Variants in PPP2CA observed in about 807,000 individuals in gnomAD.
The protein encoded by PPP2CA is serine/threonine-protein phosphatase 2A catalytic subunit alpha isoform.
PPP2CA carries 5 observed loss-of-function variants against 38.8 expected under a neutral mutation model. That is an observed-to-expected ratio of 0.13 (90% CI 0.07 to 0.27). The LOEUF (loss-of-function observed/expected upper bound fraction) is 0.27, where lower values mean the gene tolerates loss of function less well. Among genes scored for constraint, PPP2CA ranks in the 10% least tolerant of loss-of-function variants. The pLI, the probability that PPP2CA is intolerant of heterozygous loss-of-function variation, is 1.00. For synonymous variants in PPP2CA, 152 were observed against 134.0 expected (o/e 1.13, Z -0.93); for missense variants, 88 against 389.7 (o/e 0.23, Z 6.52).
chr5:134,212,882 T>G lies in PPP2CA; in HGVS notation c.103-6751A>C, dbSNP rs546973799. On this transcript the variant is annotated intron_variant, in intron 1 of 6. Coordinates refer to ENST00000481195, the MANE Select transcript of PPP2CA (RefSeq NM_002715.4). ...CAAAGCCTAATTCAGAGGTAGGTCC[T>G]AATTCTTCAATTCTATAAAGGCTAA... Among the ~76,000 whole-genome samples, 21 of 152,340 alleles carry G rather than the reference T, an allele frequency of 1.4e-4. No individual in the cohort carries two copies. The South Asian group carries it at 4.1e-3, about 30-fold the overall frequency.
chr5:134,209,955 G>A (rs972940181), intron 1 of PPP2CA, among the ~76,000 whole-genome samples: 5 of 151,918 alleles, frequency 3.3e-5, no homozygotes, highest in Non-Finnish European at 7.4e-5. Context: ...GCACACACCT[G>A]CAGTTTTAGG....
chr5:134,201,120 A>C (rs1761959865), intron 3 of PPP2CA, 46 bp from the exon 4 acceptor site: 3 of 1,466,556 alleles, frequency 2.0e-6, no homozygotes, highest in Non-Finnish European at 1.9e-6. Context: ...AAAAATTTGT[A>C]AACATTCTTG....
At chr5:134,225,095 G>T (rs559543628) in intron 1 of PPP2CA, among the ~76,000 whole-genome samples, 8 of 152,180 alleles carry the variant, frequency 5.3e-5, no homozygotes, top group Middle Eastern at 3.4e-3. Flanking sequence ...CCAAATTCCC[G>T]ATTTCTTCCA....
intron 1 of PPP2CA, among the ~76,000 whole-genome samples, chr5:134,221,521 C>A (rs1028315109): frequency 2.6e-5 from 4 of 152,100 alleles, no homozygotes; most frequent in African/African-American, 9.7e-5. Flanking sequence ...ACTAAGAATA[C>A]AAGGGAAATT....
chr5:134,219,271 T>C, intron 1 of PPP2CA, among the ~76,000 whole-genome samples: 1 of 152,248 alleles, frequency 6.6e-6, no homozygotes, highest in East Asian at 1.9e-4. Context: ...TAGTGCTTTT[T>C]AGACAAAGCT....
chr5:134,218,164 G>A (rs1279464207), intron 1 of PPP2CA, among the ~76,000 whole-genome samples: 2 of 151,644 alleles, frequency 1.3e-5, no homozygotes, highest in Non-Finnish European at 3.0e-5. Flanking sequence ...AATATTTCAC[G>A]AAACATTTCA....
intron 5 of PPP2CA, 88 bp downstream of exon 5, chr5:134,200,247 A>T (rs771557338): frequency 1.9e-5 from 26 of 1,398,274 alleles, no homozygotes; most frequent in Non-Finnish European, 2.3e-5. Context: ...GGAATTTCTC[A>T]CAAATGTCAT....
At chr5:134,203,081 T>C (rs1762002723) in intron 2 of PPP2CA, among the ~76,000 whole-genome samples, 3 of 152,212 alleles carry the variant, frequency 2.0e-5, no homozygotes, top group Admixed American at 6.5e-5. Context: ...GTCTTGTTAT[T>C]GAGCTGTAAA....
At chr5:134,199,009 C>T (rs1362331630) in intron 6 of PPP2CA, 77 bp downstream of exon 6, 1 of 1,156,376 alleles carries the variant, frequency 8.6e-7, no homozygotes, top group South Asian at 1.3e-5. Flanking sequence ...TATAGTGACA[C>T]CCTCTCTCTC....
At chr5:134,210,083 C>T (rs936053404) in intron 1 of PPP2CA, among the ~76,000 whole-genome samples, 3 of 149,054 alleles carry the variant, frequency 2.0e-5, no homozygotes, top group South Asian at 4.3e-4. Context: ...CATACCACTG[C>T]ACTCCAGCCT....
At chr5:134,206,756 T>A (rs1198216278) in intron 1 of PPP2CA, among the ~76,000 whole-genome samples, 3 of 152,342 alleles carry the variant, frequency 2.0e-5, no homozygotes. Flanking sequence ...ACCTCAGCCC[T>A]GTTTGACTTT....
intron 2 of PPP2CA, among the ~76,000 whole-genome samples, chr5:134,202,888 A>G (rs565412803): frequency 6.6e-6 from 1 of 152,334 alleles, no homozygotes; most frequent in South Asian, 2.1e-4. Flanking sequence ...AACACTTGGT[A>G]TTATCAACCT....
chr5:134,222,658 G>C (rs1762470986), intron 1 of PPP2CA, among the ~76,000 whole-genome samples: 1 of 152,152 alleles, frequency 6.6e-6, no homozygotes, highest in Non-Finnish European at 1.5e-5. Context: ...ATTGTTTACT[G>C]TAGTCAATGC....
Position 134,214,892 on chromosome 5 carries a change from T to G in PPP2CA, c.103-8761A>C, listed in dbSNP as rs545697684. On this transcript the variant is annotated intron_variant, in intron 1 of 6. Transcript: ENST00000481195. ...GCCATTTTCTAAGAGTTTTTCATTT[T>G]AAAATCTATACTTTAATCCTAAGAT... 4.1e-4 allele frequency among the ~76,000 whole-genome samples: 62 copies of G among 152,278 alleles called. 1 individual carries two copies. Among genetic ancestry groups the G allele is most frequent in the African/African-American group, 1.4e-3 (60 of 41,562 alleles).
At chr5:134,214,029 T>C (rs1762265021) in intron 1 of PPP2CA, among the ~76,000 whole-genome samples, 1 of 152,150 alleles carries the variant, frequency 6.6e-6, no homozygotes. Context: ...CTTGGGAGGC[T>C]GTGGCATGAG....
Position 134,225,847 on chromosome 5 carries a change from C to T in PPP2CA, c.15G>A (p.Val5=), listed in dbSNP as rs369455155. 1 of 1,608,342 alleles carries T rather than the reference C, an allele frequency of 6.2e-7. No homozygotes were observed. The highest frequency in any genetic ancestry group is 1.7e-5 in the Admixed American group (1 of 59,908). Residue 5 remains valine (V), a synonymous_variant, in exon 1 of 7, where the codon GTG becomes GTA. Coordinates refer to ENST00000481195, the MANE Select transcript of PPP2CA (RefSeq NM_002715.4). MDEK[V]FTKELDQWIE... is the part of the protein sequence containing the mutation. The stretch of plus-strand genomic sequence containing the variant: ...TCCACTGGTCCAGCTCCTTGGTGAA[C>T]ACCTTCTCGTCCATGATGCCACCCG...
chr5:134,205,109 T>C (rs1366214445), intron 2 of PPP2CA, among the ~76,000 whole-genome samples: 1 of 151,926 alleles, frequency 6.6e-6, no homozygotes, highest in Non-Finnish European at 1.5e-5. Flanking sequence ...ATTATTATTA[T>C]TTTTTTGTAG....
intron 1 of PPP2CA, among the ~76,000 whole-genome samples, chr5:134,207,080 T>C (rs1489115883): frequency 6.6e-6 from 1 of 152,182 alleles, no homozygotes; most frequent in Non-Finnish European, 1.5e-5. Flanking sequence ...GTTCAAAGCA[T>C]TGGTATGCAA....
rs398050756 is a variant in PPP2CA at position 134,218,683 on chromosome 5, T to TTC, written c.102+7076_102+7077insGA. Among the ~76,000 whole-genome samples, 7 of 151,540 alleles carry TTC rather than the reference T, an allele frequency of 4.6e-5. No homozygotes were observed. The East Asian group carries it at 5.8e-4, about 13-fold the overall frequency. ...GTTGTTTCTTTCTTTTTTTTTTTTT[T>TTC]CTTTTAAGATGGAGTCTTGCTGTCG... On this transcript the variant is annotated intron_variant, in intron 1 of 6. Coordinates refer to ENST00000481195, the MANE Select transcript of PPP2CA (RefSeq NM_002715.4).
Sources: allele counts gnomAD v4.1 joint callset (sites outside exome capture counted in the v4.1 genomes callset), GRCh38; gene constraint gnomAD v4.1.1; transcripts MANE v1.5; gene names NCBI Gene and HGNC (gene_info 2026-07-23, HGNC 2026-07-21).